The following EXOC1 variants were observed in gnomAD, a reference collection of about 807,000 sequenced individuals.
EXOC1 encodes SEC3-like 1.
EXOC1 carries 67 observed loss-of-function variants against 107.7 expected under a neutral mutation model. The observed-to-expected ratio is 0.62, with a 90% CI of 0.51 to 0.76. The LOEUF (loss-of-function observed/expected upper bound fraction) is 0.76, where lower values mean the gene tolerates loss of function less well. Among genes scored for constraint, EXOC1 ranks in the 30% least tolerant of loss-of-function variants. The pLI, the probability that EXOC1 is intolerant of heterozygous loss-of-function variation, is 0.00. For synonymous variants in EXOC1, 348 were observed against 353.5 expected (o/e 0.98, Z 0.17); for missense variants, 833 against 1,055.7 (o/e 0.79, Z 2.92).
chr4:55,893,338 T>C (rs1467230414), intron 14 of EXOC1, among the ~76,000 whole-genome samples: 7 of 152,220 alleles, frequency 4.6e-5, no homozygotes, highest in Admixed American at 4.6e-4. Context: ...CAAGCTGGTC[T>C]TGAACTCCTG....
In EXOC1 at chr4:55,899,989, G is replaced by T. The variant is rs1291129078; in HGVS notation, c.2337+105G>T. Reference sequence around the variant, plus strand: ...TTATCTTAAATTTTCTCATGTGTTGGTGCACAGGGGACTCAGTTATTGAAG... The same window carrying T: ...TTATCTTAAATTTTCTCATGTGTTGTTGCACAGGGGACTCAGTTATTGAAG... On this transcript the variant is annotated intron_variant, in intron 17 of 18. Coordinates refer to ENST00000381295, the MANE Select transcript of EXOC1 (RefSeq NM_001024924.2). 9 of 911,670 alleles carry T rather than the reference G, an allele frequency of 9.9e-6. No homozygotes were observed. The Admixed American group carries it at 2.6e-4, about 26-fold the overall frequency. 56.5% of individuals were successfully genotyped at this position (911,670 alleles called of 1,614,324 possible).
chr4:55,873,200 C>A (rs1482366438), intron 8 of EXOC1, among the ~76,000 whole-genome samples: 1 of 151,744 alleles, frequency 6.6e-6, no homozygotes, highest in African/African-American at 2.4e-5. Flanking sequence ...TCTAGGGAAG[C>A]GAGACAAACA....
Position 55,862,629 on chromosome 4 carries a change from G to A in EXOC1, c.256-1598G>A, listed in dbSNP as rs1018166126. ...TTGACGCTTCAATTCTGTTTATTAA[G>A]CTATAAATTGAACTAATTAGTAGTT... On this transcript the variant is annotated intron_variant, in intron 3 of 18. Transcript: ENST00000381295. Among the ~76,000 whole-genome samples the A allele has an allele frequency of 1.4e-4, 21 of 152,014 alleles. 1 individual carries two copies. The highest frequency in any genetic ancestry group is 1.0e-3 in the Admixed American group (16 of 15,268).
Position 55,899,726 on chromosome 4 carries a change from G to A in EXOC1, c.2179G>A (p.Val727Met), listed in dbSNP as rs1183620214. 3 of 1,613,682 alleles carry A rather than the reference G, an allele frequency of 1.9e-6. No homozygotes were observed. Among genetic ancestry groups the A allele is most frequent in the East Asian group, 2.2e-5 (1 of 44,826 alleles). ...ANESQKTPRD[V>M]VMMENFHHIF... is the part of the protein sequence containing the mutation. Reference sequence around the variant, plus strand: ...TGAAAGCCAGAAGACCCCCAGGGATGTGGTTATGATGGAAAACTTTCACCA... The same window carrying A: ...TGAAAGCCAGAAGACCCCCAGGGATATGGTTATGATGGAAAACTTTCACCA... The change falls in exon 17 of 19, where the codon GTG becomes ATG. Residue 727 changes from valine (V) to methionine (M), a missense_variant. Physicochemically the swap from Val to Met is conservative, Grantham distance 21. This residue lies in a region of EXOC1 where 216 missense variants were observed against 354.4 expected (regional missense o/e 0.61). Transcript: ENST00000381295.
intron 9 of EXOC1, among the ~76,000 whole-genome samples, chr4:55,878,991 A>G (rs1207724009): frequency 6.6e-6 from 1 of 152,192 alleles, no homozygotes; most frequent in South Asian, 2.1e-4. Flanking sequence ...AATATAAACC[A>G]AAAGAGAGAC....
chr4:55,877,864 A>G, intron 8 of EXOC1, 53 bp from the exon 9 acceptor site: 1 of 1,598,218 alleles, frequency 6.3e-7, no homozygotes. Flanking sequence ...TTTTTATTGT[A>G]ACGTTTCTTT....
In EXOC1 at chr4:55,878,022, T is replaced by G; in HGVS notation, c.1180T>G (p.Trp394Gly). 6.2e-7 allele frequency: 1 copy of G among 1,613,740 alleles called. No individual in the cohort carries two copies. Among genetic ancestry groups the G allele is most frequent in the Non-Finnish European group, 8.5e-7 (1 of 1,179,846 alleles). The change falls in exon 9 of 19, where the codon TGG becomes GGG. Residue 394 changes from tryptophan to glycine, a missense_variant. Trp to Gly is a radical substitution (Grantham distance 184). Around this residue, in one of 2 missense-constraint regions of EXOC1, gnomAD observed 617 missense variants for 701.3 expected, o/e 0.88. Coordinates refer to ENST00000381295, the MANE Select transcript of EXOC1 (RefSeq NM_001024924.2). ...GCTCCGATATGCCAAGCTGATGGAGTGGCTAAAGAGTACAGATTATGGAAA... is the reference window on the plus strand; with the variant it reads ...GCTCCGATATGCCAAGCTGATGGAGGGGCTAAAGAGTACAGATTATGGAAA... Reference protein sequence around the residue: ...DLLRYAKLMEWLKSTDYGKYE... With the variant: ...DLLRYAKLMEGLKSTDYGKYE...
At chr4:55,881,125 A>C (rs1438955663) in intron 9 of EXOC1, among the ~76,000 whole-genome samples, 1 of 152,200 alleles carries the variant, frequency 6.6e-6, no homozygotes, top group Admixed American at 6.5e-5. Flanking sequence ...CTCTAGCTGT[A>C]CTGAGGCTGA....
At chr4:55,861,443 TTAAAA>T (rs1353022671) in intron 3 of EXOC1, among the ~76,000 whole-genome samples, 1 of 152,170 alleles carries the variant, frequency 6.6e-6, no homozygotes, top group Non-Finnish European at 1.5e-5. Flanking sequence ...AAGCAATCTG[TTAAAA>T]TAAAATTCTG....
At chr4:55,891,445 G>T in intron 13 of EXOC1, 23 bp downstream of exon 13, 1 of 1,465,102 alleles carries the variant, frequency 6.8e-7, no homozygotes, top group Non-Finnish European at 9.6e-7. Flanking sequence ...GTGTATTTTG[G>T]ATAGTATTTA....
intron 8 of EXOC1, chr4:55,876,974 A>G: frequency 1.0e-5 from 10 of 985,400 alleles, no homozygotes; most frequent in Non-Finnish European, 9.6e-6. Flanking sequence ...TCAGTTACCA[A>G]GGAACTCCTC....
intron 15 of EXOC1, among the ~76,000 whole-genome samples, chr4:55,895,401 T>C (rs972094992): frequency 6.6e-6 from 1 of 152,206 alleles, no homozygotes; most frequent in African/African-American, 2.4e-5. Context: ...TTCTAGTACC[T>C]GCAATCTTAC....
chr4:55,862,538 CTTG>C (rs1427620219), intron 3 of EXOC1, among the ~76,000 whole-genome samples: 2 of 152,104 alleles, frequency 1.3e-5, no homozygotes, highest in Non-Finnish European at 2.9e-5. Flanking sequence ...TGCCAATACT[CTTG>C]TTGTGTTTTT....
rs76236488 is a variant in EXOC1 at position 55,892,914 on chromosome 4, A to C, written c.1724+203A>C. Among the ~76,000 whole-genome samples the C allele has an allele frequency of 5.0e-4, 76 of 152,218 alleles. No homozygotes were observed. The East Asian group carries it at 0.014, about 28-fold the overall frequency. Reference sequence around the variant, plus strand: ...CTCTTCAACTCTTCCTTGCTCCAGGACTTACAGAAGATGAAGTCAGTCTGT... The same window carrying C: ...CTCTTCAACTCTTCCTTGCTCCAGGCCTTACAGAAGATGAAGTCAGTCTGT... On this transcript the variant is annotated intron_variant, in intron 14 of 18. Transcript: ENST00000381295.
At chr4:55,889,176 A>G (rs918475223) in intron 11 of EXOC1, among the ~76,000 whole-genome samples, 2 of 152,190 alleles carry the variant, frequency 1.3e-5, no homozygotes, top group African/African-American at 4.8e-5. Flanking sequence ...CTTAACCATT[A>G]TACTTCTATT....
At chr4:55,863,485 T>C (rs1390002974) in intron 3 of EXOC1, among the ~76,000 whole-genome samples, 4 of 152,092 alleles carry the variant, frequency 2.6e-5, no homozygotes, top group South Asian at 2.1e-4. Context: ...CTGGTATGTG[T>C]CCGTGTCCCC....
At chr4:55,884,855 A>G (rs1002493683) in intron 10 of EXOC1, among the ~76,000 whole-genome samples, 2 of 152,218 alleles carry the variant, frequency 1.3e-5, no homozygotes, top group East Asian at 3.8e-4. Flanking sequence ...TAGGACAGAG[A>G]AGACTGTCAT....
Position 55,891,361 on chromosome 4 carries a change from A to G in EXOC1, c.1586A>G (p.Glu529Gly), listed in dbSNP as rs775268576. 6.2e-7 allele frequency: 1 copy of G among 1,614,054 alleles called. No homozygotes were observed. Among genetic ancestry groups the G allele is most frequent in the South Asian group, 1.1e-5 (1 of 91,086 alleles). The change falls in exon 13 of 19, where the codon GAA becomes GGA. Residue 529 changes from glutamate to glycine, a missense_variant. Transcript: ENST00000381295. Reference protein sequence around the residue: ...LSELEPLCLAEQDFISKFFKL... With the variant: ...LSELEPLCLAGQDFISKFFKL... The stretch of plus-strand genomic sequence containing the variant: ...GAACTGGAGCCCCTATGTCTGGCAG[A>G]ACAGGACTTCATAAGTAAATTTTTC...
intron 14 of EXOC1, 21 bp downstream of exon 14, chr4:55,892,732 T>G (rs1202988415): frequency 1.2e-6 from 2 of 1,611,506 alleles, no homozygotes; most frequent in Non-Finnish European, 8.5e-7. Context: ...GTTACTATCA[T>G]TGTTTATTTT....
Sources: gnomAD v4.1 joint callset for allele counts (sites outside exome capture counted in the v4.1 genomes callset) on GRCh38, gnomAD v4.1.1 for gene constraint, gnomAD v4.1.1 regional missense constraint, MANE v1.5 for transcripts, NCBI Gene and HGNC (gene_info 2026-07-23, HGNC 2026-07-21) for gene names.